The following MME variants were observed in gnomAD, a reference collection of about 807,000 sequenced individuals.
MME encodes the protein membrane metalloendopeptidase.
In MME, 98 loss-of-function variants were observed where a neutral mutation model predicts 113.2. The observed-to-expected ratio is 0.87, with a 90% CI of 0.74 to 1.02. MME has a LOEUF of 1.02. Among genes scored for constraint, MME ranks in the 50% least tolerant of loss-of-function variants. MME has a pLI of 0.00. For synonymous variants in MME, 292 were observed against 300.6 expected (o/e 0.97, Z 0.30); for missense variants, 836 against 896.0 (o/e 0.93, Z 0.86).
intron 1 of MME, among the ~76,000 whole-genome samples, chr3:155,060,150 C>T (rs543483390): frequency 1.7e-4 from 26 of 152,248 alleles, no homozygotes; most frequent in African/African-American, 6.0e-4. Flanking sequence ...AGACTGGGAA[C>T]AAGAATAACA....
intron 8 of MME, among the ~76,000 whole-genome samples, chr3:155,129,409 C>T (rs774480566): frequency 2.1e-4 from 32 of 152,282 alleles, no homozygotes; most frequent in Middle Eastern, 3.4e-3. Flanking sequence ...TAAAACCAAA[C>T]TTCTTATCGA....
intron 22 of MME, among the ~76,000 whole-genome samples, chr3:155,179,012 G>T (rs1425008513): frequency 6.6e-6 from 1 of 152,164 alleles, no homozygotes; most frequent in Non-Finnish European, 1.5e-5. Context: ...TGTAAATGTG[G>T]TAAGTGCTTT....
At chr3:155,178,719 C>T (rs1576680926) in intron 22 of MME, among the ~76,000 whole-genome samples, 1 of 152,158 alleles carries the variant, frequency 6.6e-6, no homozygotes, top group Non-Finnish European at 1.5e-5. Flanking sequence ...TGCATATAAC[C>T]TATACACCTT....
In MME at chr3:155,181,631, A is replaced by G. The variant is rs72995807; in HGVS notation, c.*1172A>G. On this transcript the variant is annotated 3_prime_UTR_variant, in exon 23 of 23. Transcript: ENST00000360490. ...GACAACTGTCTAACTTTAGAAGTGC[A>G]TTTCTGAATAGAAATGGGAGGCCTC... is the stretch of plus-strand genomic sequence containing the variant. 2.2e-3 allele frequency: 337 copies of G among 152,280 alleles called. 3 individuals carry two copies. Among genetic ancestry groups the G allele is most frequent in the African/African-American group, 7.7e-3 (319 of 41,576 alleles). The allele number at this position is 152,280 out of a possible 1,614,324, so 9.4% of individuals were successfully genotyped here. A position where few individuals can be genotyped will look rare whatever the true frequency, so the allele number is the denominator to read the frequency against.
At chr3:155,106,959 G>A (rs566331444) in intron 3 of MME, among the ~76,000 whole-genome samples, 16 of 152,308 alleles carry the variant, frequency 1.1e-4, no homozygotes, top group Middle Eastern at 6.8e-3. Context: ...TTGTGTGTTT[G>A]GGGTTAGGAA....
In MME at chr3:155,088,683, C is replaced by CAA. The variant is rs59288472; in HGVS notation, c.196+3604_196+3605dup. ...GGGCAACAAGACTGAAACTCCATCT[C>CAA]AAAAAAAAAAAAAAAAGAAAAGAAA... On this transcript the variant is annotated intron_variant, in intron 3 of 22. Coordinates refer to ENST00000360490, the MANE Select transcript of MME (RefSeq NM_007289.4). Among the ~76,000 whole-genome samples the CAA allele has an allele frequency of 2.5e-3, 220 of 86,572 alleles. 1 individual carries two copies. Among genetic ancestry groups the CAA allele is most frequent in the African/African-American group, 6.0e-3 (128 of 21,314 alleles). The allele number at this position is 86,572 out of a possible 152,430, so 56.8% of individuals were successfully genotyped here.
At chr3:155,150,006 C>A (rs999151520) in intron 16 of MME, among the ~76,000 whole-genome samples, 3 of 152,164 alleles carry the variant, frequency 2.0e-5, no homozygotes, top group Admixed American at 2.0e-4. Flanking sequence ...TCTTGAAACA[C>A]ACAAAAAGTT....
intron 1 of MME, among the ~76,000 whole-genome samples, chr3:155,060,093 C>T (rs1385332620): frequency 6.6e-6 from 1 of 152,136 alleles, no homozygotes; most frequent in Non-Finnish European, 1.5e-5. Flanking sequence ...CCTACTAAGT[C>T]ATAGATTACT....
At chr3:155,046,558 TGG>T (rs1405615636) in intron 1 of MME, among the ~76,000 whole-genome samples, 1 of 152,074 alleles carries the variant, frequency 6.6e-6, no homozygotes, top group East Asian at 1.9e-4. Flanking sequence ...GGCGTGGTGG[TGG>T]GCACCTGTAA....
intron 1 of MME, among the ~76,000 whole-genome samples, chr3:155,071,044 G>C (rs79522784): frequency 0.03 from 4,516 of 152,242 alleles, 106 homozygotes; most frequent in South Asian, 0.099. Flanking sequence ...CATGTTCCTT[G>C]GTATGTGGTG....
chr3:155,133,062 A>AAAAAAATATATATATATATATAT (rs1553762419), intron 8 of MME, among the ~76,000 whole-genome samples: 2 of 75,078 alleles, frequency 2.7e-5, no homozygotes, highest in African/African-American at 1.3e-4. Context: ...AAAAAAAAAA[A>AAAAAAATATATATATATATATAT]ATATATATAT....
At chr3:155,133,062 A>AAAATATATATAT (rs1553762419) in intron 8 of MME, among the ~76,000 whole-genome samples, 1 of 75,100 alleles carries the variant, frequency 1.3e-5, no homozygotes, top group Non-Finnish European at 2.6e-5. Context: ...AAAAAAAAAA[A>AAAATATATATAT]ATATATATAT....
intron 1 of MME, among the ~76,000 whole-genome samples, chr3:155,031,751 G>A (rs1032359721): frequency 3.9e-5 from 6 of 152,102 alleles, no homozygotes; most frequent in Admixed American, 1.3e-4. Context: ...TCTGCCTCCC[G>A]GGTTCAAGTG....
chr3:155,125,113 G>A (rs1476824110), intron 8 of MME, among the ~76,000 whole-genome samples: 2 of 96,830 alleles, frequency 2.1e-5, no homozygotes, highest in South Asian at 4.2e-4. Flanking sequence ...GTGGGATATA[G>A]TCTCGTGGTG....
At chr3:155,176,005 A>G (rs1433008684) in intron 22 of MME, among the ~76,000 whole-genome samples, 1 of 152,188 alleles carries the variant, frequency 6.6e-6, no homozygotes, top group African/African-American at 2.4e-5. Flanking sequence ...ATGACTGTAT[A>G]GCAGAACATA....
chr3:155,119,126 A>G (rs551045244), intron 8 of MME, among the ~76,000 whole-genome samples: 32 of 151,404 alleles, frequency 2.1e-4, no homozygotes, highest in African/African-American at 7.1e-4. Flanking sequence ...TGCATTATTT[A>G]AAAAATGAAA....
At chr3:155,116,015 ACAATT>A (rs1000134347) in intron 4 of MME, among the ~76,000 whole-genome samples, 4 of 152,178 alleles carry the variant, frequency 2.6e-5, no homozygotes, top group African/African-American at 9.7e-5. Context: ...AACAAGTAGG[ACAATT>A]CAATTCATTC....
chr3:155,054,206 T>G (rs998831363), intron 1 of MME, among the ~76,000 whole-genome samples: 1 of 152,228 alleles, frequency 6.6e-6, no homozygotes, highest in African/African-American at 2.4e-5. Context: ...TTTCAACTAT[T>G]GGATTTTTTG....
intron 3 of MME, among the ~76,000 whole-genome samples, chr3:155,108,928 G>A (rs1343901910): frequency 1.3e-5 from 2 of 152,118 alleles, no homozygotes; most frequent in East Asian, 3.9e-4. Context: ...GTGGCTTGGA[G>A]GCCATTCAAA....
Sources: gnomAD v4.1 joint callset for allele counts (sites outside exome capture counted in the v4.1 genomes callset) on GRCh38, gnomAD v4.1.1 for gene constraint, MANE v1.5 for transcripts, NCBI Gene and HGNC (gene_info 2026-07-23, HGNC 2026-07-21) for gene names.